The following EPB41L3 variants were observed in gnomAD, a reference collection of about 807,000 sequenced individuals.
EPB41L3 encodes the protein erythrocyte membrane protein band 4.1 like 3.
A neutral mutation model predicts 127.1 loss-of-function variants in EPB41L3; 57 were observed. That is an observed-to-expected ratio of 0.45 (90% confidence interval 0.36 to 0.56). The LOEUF (loss-of-function observed/expected upper bound fraction) is 0.56, where lower values mean the gene tolerates loss of function less well. Ranked by LOEUF, EPB41L3 falls within the 20% of genes least tolerant of loss-of-function variation. The probability of loss-of-function intolerance (pLI) is 0.00; values close to 1 mark genes in which losing one functional copy is unlikely to be tolerated. For missense variants in EPB41L3, 1,273 were observed against 1,372.2 expected, an observed-to-expected ratio of 0.93 and a Z score of 1.14; for synonymous variants, 572 against 549.5, an observed-to-expected ratio of 1.04 and a Z score of -0.57.
intron 3 of EPB41L3, among the ~76,000 whole-genome samples, chr18:5,451,293 G>C (rs1318666001): frequency 6.6e-6 from 1 of 152,138 alleles, no homozygotes; most frequent in Non-Finnish European, 1.5e-5. Flanking sequence ...ATCATGATGA[G>C]CTCACTGAGT....
chr18:5,475,049 T>A (rs2086903006), intron 3 of EPB41L3, among the ~76,000 whole-genome samples: 1 of 152,196 alleles, frequency 6.6e-6, no homozygotes, highest in Non-Finnish European at 1.5e-5. Context: ...ACCTTTCCAA[T>A]TAACTGAGAA....
chr18:5,402,424 G>A (rs2074654713), intron 16 of EPB41L3, among the ~76,000 whole-genome samples: 1 of 151,994 alleles, frequency 6.6e-6, no homozygotes, highest in South Asian at 2.1e-4. Context: ...TTATTCCTAA[G>A]ATAAAAGCTT....
chr18:5,610,206 T>G (rs1310259179), intron 3 of EPB41L3: 5 of 985,290 alleles, frequency 5.1e-6, no homozygotes, highest in Non-Finnish European at 4.8e-6. Flanking sequence ...CAGGTCCATA[T>G]TCCATGTTCC....
At chr18:5,618,547 T>C (rs936413534) in intron 1 of EPB41L3, among the ~76,000 whole-genome samples, 4 of 152,202 alleles carry the variant, frequency 2.6e-5, no homozygotes, top group Non-Finnish European at 4.4e-5. Flanking sequence ...AAAAGGCTTC[T>C]AAACATTTGG....
intron 3 of EPB41L3, among the ~76,000 whole-genome samples, chr18:5,605,390 T>C (rs2094639540): frequency 6.6e-6 from 1 of 151,974 alleles, no homozygotes; most frequent in Non-Finnish European, 1.5e-5. Context: ...ATTTTATTTT[T>C]CTTTATTTTT....
At chr18:5,412,445 C>G (rs2076311800) in intron 13 of EPB41L3, among the ~76,000 whole-genome samples, 1 of 152,140 alleles carries the variant, frequency 6.6e-6, no homozygotes, top group South Asian at 2.1e-4. Flanking sequence ...AGGCTGGTCT[C>G]AAACTCCTGA....
chr18:5,610,624 T>C (rs543942228), intron 3 of EPB41L3, among the ~76,000 whole-genome samples: 156 of 152,236 alleles, frequency 1.0e-3, no homozygotes, highest in South Asian at 2.7e-3. Flanking sequence ...CTCAAAATAA[T>C]AATCAGAAAA....
At chr18:5,505,816 T>C (rs367675262) in intron 1 of EPB41L3, among the ~76,000 whole-genome samples, 1,711 of 10,630 alleles carry the variant, frequency 0.16, no homozygotes, top group Admixed American at 0.18. Context: ...CCCTTCCCTC[T>C]ACACCTTCAC....
At chr18:5,588,859 TATG>T (rs1244516548) in intron 3 of EPB41L3, among the ~76,000 whole-genome samples, 1 of 152,010 alleles carries the variant, frequency 6.6e-6, no homozygotes, top group Non-Finnish European at 1.5e-5. Context: ...CATTAATAAA[TATG>T]ATGATTTTAT....
At chr18:5,399,883 A>G (rs996495262) in intron 16 of EPB41L3, 8 of 152,318 alleles carry the variant, frequency 5.3e-5, no homozygotes, top group African/African-American at 1.9e-4. Flanking sequence ...AGGGAAATGA[A>G]TCCATAATAG....
In EPB41L3 at chr18:5,424,387, T is replaced by G. The variant is rs201246239; in HGVS notation, c.1066-28A>C. The G allele has an allele frequency of 5.6e-5, 85 of 1,521,590 alleles. 1 individual carries two copies. The Admixed American group carries it at 5.8e-4, about 10-fold the overall frequency. The allele number at this position is 1,521,590 out of a possible 1,614,324, so 94.3% of individuals were successfully genotyped here. A position where few individuals can be genotyped will look rare whatever the true frequency, so the allele number is the denominator to read the frequency against. On this transcript the variant is annotated intron_variant, in intron 9 of 22. Transcript: ENST00000341928. ...AAATAAAAAAAAATACATTGAAGAGTAAAGTTTAAAATTATAAATAACAGA... is the reference window on the plus strand; with the variant it reads ...AAATAAAAAAAAATACATTGAAGAGGAAAGTTTAAAATTATAAATAACAGA...
At chr18:5,539,424 A>G (rs77123665) in intron 1 of EPB41L3, among the ~76,000 whole-genome samples, 1 of 152,330 alleles carries the variant, frequency 6.6e-6, no homozygotes, top group East Asian at 1.9e-4. Context: ...AATTTAACCA[A>G]TCATCGCAAG....
chr18:5,477,725 A>C (rs2087525811), intron 3 of EPB41L3, among the ~76,000 whole-genome samples: 1 of 152,174 alleles, frequency 6.6e-6, no homozygotes. Flanking sequence ...AGAAAAACAA[A>C]GGGTATACCC....
chr18:5,484,619 A>G (rs1027507426), intron 2 of EPB41L3, among the ~76,000 whole-genome samples: 4 of 152,068 alleles, frequency 2.6e-5, no homozygotes, highest in Non-Finnish European at 5.9e-5. Flanking sequence ...AAGAGAGAAA[A>G]TCCAAGTAAA....
At chr18:5,445,747 C>T (rs79604149) in intron 3 of EPB41L3, among the ~76,000 whole-genome samples, 2,196 of 152,294 alleles carry the variant, frequency 0.014, 21 homozygotes, top group South Asian at 0.042. Context: ...AGGTGGGTGG[C>T]AGGCGAGCAA....
At chr18:5,516,689 G>C (rs1291394858) in intron 1 of EPB41L3, among the ~76,000 whole-genome samples, 1 of 152,134 alleles carries the variant, frequency 6.6e-6, no homozygotes. Context: ...TAATTAACAA[G>C]ACAGACTTGG....
intron 2 of EPB41L3, among the ~76,000 whole-genome samples, chr18:5,484,708 A>T (rs758799629): frequency 5.9e-5 from 9 of 152,028 alleles, no homozygotes; most frequent in Non-Finnish European, 8.8e-5. Context: ...ATTATGAACA[A>T]CTATATGGCA....
intron 1 of EPB41L3, among the ~76,000 whole-genome samples, chr18:5,505,667 C>T (rs1335247375): frequency 6.8e-6 from 1 of 147,050 alleles, no homozygotes; most frequent in Admixed American, 6.7e-5. Context: ...ACCTTCACCT[C>T]CACCCCTACT....
chr18:5,539,325 A>T (rs528876641), intron 1 of EPB41L3, among the ~76,000 whole-genome samples: 119 of 152,222 alleles, frequency 7.8e-4, no homozygotes, highest in African/African-American at 2.8e-3. Context: ...AAATGTCAGC[A>T]ATCTAAAAAT....
Sources: gnomAD v4.1 joint callset for allele counts (sites outside exome capture counted in the v4.1 genomes callset) on GRCh38, gnomAD v4.1.1 for gene constraint, MANE v1.5 for transcripts, NCBI Gene and HGNC (gene_info 2026-07-23, HGNC 2026-07-21) for gene names.